The following PDZD8 variants were observed in gnomAD, a reference collection of about 807,000 sequenced individuals.
The protein encoded by PDZD8 is PDZ domain-containing protein 8.
A neutral mutation model predicts 85.8 loss-of-function variants in PDZD8; 14 were observed. The ratio of observed to expected loss-of-function variants is 0.16; its 90% confidence interval spans 0.11 to 0.26. The LOEUF (loss-of-function observed/expected upper bound fraction) is 0.26, where lower values mean the gene tolerates loss of function less well. Among genes scored for constraint, PDZD8 ranks in the 10% least tolerant of loss-of-function variants. PDZD8 has a pLI of 1.00. For synonymous variants in PDZD8, 592 were observed against 568.6 expected (o/e 1.04, Z -0.59); for missense variants, 1,197 against 1,424.3 (o/e 0.84, Z 2.57).
At chr10:117,361,554 C>T (rs1328307877) in intron 1 of PDZD8, among the ~76,000 whole-genome samples, 1 of 152,146 alleles carries the variant, frequency 6.6e-6, no homozygotes, top group Admixed American at 6.6e-5. Context: ...TACCACCTCC[C>T]TACTATGGTA....
chr10:117,341,117 G>C lies in PDZD8; in HGVS notation c.873-15C>G, dbSNP rs762560907. 1.9e-6 allele frequency: 3 copies of C among 1,609,410 alleles called. No individual in the cohort carries two copies. Among genetic ancestry groups the C allele is most frequent in the Non-Finnish European group, 2.6e-6 (3 of 1,176,152 alleles). On this transcript the variant is annotated splice_polypyrimidine_tract_variant and intron_variant, in intron 1 of 4. Transcript: ENST00000334464. ...ACGGCTTAAACCTGACAAAAGTAAA[G>C]ATAAGTCTAAATGTCTGAATAATAA... is the stretch of plus-strand genomic sequence containing the variant.
intron 1 of PDZD8, among the ~76,000 whole-genome samples, chr10:117,372,299 G>A (rs1845207445): frequency 6.6e-6 from 1 of 151,968 alleles, no homozygotes; most frequent in Admixed American, 6.6e-5. Flanking sequence ...CTTTTAAATG[G>A]TTGTTATTCA....
chr10:117,374,676 G>T lies in PDZD8; in HGVS notation c.552C>A (p.Ala184=). 9 of 1,589,822 alleles carry T rather than the reference G, an allele frequency of 5.7e-6. No homozygotes were observed. The highest frequency in any genetic ancestry group is 7.7e-6 in the Non-Finnish European group (9 of 1,168,554). ...CGAAGGCCAGCTCCTCGGGGCAGGC[G>T]GCGGGCAGCGCCTCCCCTTCAGGGC... is the stretch of plus-strand genomic sequence containing the variant. The part of the protein sequence containing the change: ...PDGPEGEALP[A]ACPEELAFEA... Residue 184 remains alanine, a synonymous_variant, in exon 1 of 5, where the codon GCC becomes GCA. Transcript: ENST00000334464. The surrounding 1 kb of genome is among the most constrained non-coding windows in gnomAD (Gnocchi z 7.8).
At chr10:117,311,245 A>G (rs1190632323) in intron 3 of PDZD8, among the ~76,000 whole-genome samples, 3 of 59,952 alleles carry the variant, frequency 5.0e-5, no homozygotes. Flanking sequence ...CTTTTCACAA[A>G]ATTAATATTG....
At chr10:117,315,611 A>C (rs113009490) in intron 3 of PDZD8, among the ~76,000 whole-genome samples, 6 of 150,948 alleles carry the variant, frequency 4.0e-5, no homozygotes, top group Non-Finnish European at 8.8e-5. Flanking sequence ...AAAAAAAAAA[A>C]ACAATAATCT....
chr10:117,364,363 G>A (rs1437492302), intron 1 of PDZD8, among the ~76,000 whole-genome samples: 1 of 152,042 alleles, frequency 6.6e-6, no homozygotes, highest in Non-Finnish European at 1.5e-5. Context: ...CATAAATTAT[G>A]TTTAAGAAAC....
At chr10:117,319,369 A>G (rs17627569) in intron 2 of PDZD8, among the ~76,000 whole-genome samples, 32,927 of 149,144 alleles carry the variant, frequency 0.22, 4,050 homozygotes, top group Middle Eastern at 0.34. Flanking sequence ...TACACACACT[A>G]AAGTGCAATA....
intron 1 of PDZD8, among the ~76,000 whole-genome samples, chr10:117,342,745 C>T (rs980389695): frequency 6.6e-6 from 1 of 152,192 alleles, no homozygotes; most frequent in Admixed American, 6.5e-5. Flanking sequence ...CCCACATGGC[C>T]TCCCAAAGTG....
At chr10:117,352,620 A>AG in intron 1 of PDZD8, among the ~76,000 whole-genome samples, 1 of 152,172 alleles carries the variant, frequency 6.6e-6, no homozygotes, top group Non-Finnish European at 1.5e-5. Context: ...AAAAGGGAGG[A>AG]GGGGAATAAT....
rs1472163066 is a variant in PDZD8, at chr10:117,318,981, A to G, written c.996-7T>C. On this transcript the variant is annotated splice_region_variant and splice_polypyrimidine_tract_variant and intron_variant, in intron 2 of 4. Coordinates refer to ENST00000334464, the MANE Select transcript of PDZD8 (RefSeq NM_173791.5). ...GGATCCAAAAATGAGTAACCTGCAG[A>G]ATAAAACAAAACAAGGGAGAGTATC... The G allele has an allele frequency of 1.3e-6, 2 of 1,568,130 alleles. No homozygotes were observed. Among genetic ancestry groups the G allele is most frequent in the Admixed American group, 1.7e-5 (1 of 59,730 alleles).
chr10:117,336,531 A>G (rs1275955100), intron 2 of PDZD8, among the ~76,000 whole-genome samples: 1 of 152,168 alleles, frequency 6.6e-6, no homozygotes, highest in African/African-American at 2.4e-5. Context: ...GCTAAAAATA[A>G]AAAGAATTGG....
At chr10:117,349,628 C>T (rs1844768692) in intron 1 of PDZD8, among the ~76,000 whole-genome samples, 1 of 152,194 alleles carries the variant, frequency 6.6e-6, no homozygotes, top group African/African-American at 2.4e-5. Context: ...CATAGCCACA[C>T]CCCATTTCTA....
At chr10:117,320,484 T>C (rs1178820559) in intron 2 of PDZD8, among the ~76,000 whole-genome samples, 1 of 152,026 alleles carries the variant, frequency 6.6e-6, no homozygotes, top group African/African-American at 2.4e-5. Context: ...TAACAAAAAT[T>C]AACTCAAAAT....
At chr10:117,296,030 ACT>A (rs768912974) in intron 3 of PDZD8, among the ~76,000 whole-genome samples, 40 of 151,756 alleles carry the variant, frequency 2.6e-4, no homozygotes, top group Non-Finnish European at 3.7e-4. Context: ...GGAGGAAAAA[ACT>A]CTGTCTTTAT....
At chr10:117,343,018 A>AT (rs1844643175) in intron 1 of PDZD8, among the ~76,000 whole-genome samples, 1 of 152,054 alleles carries the variant, frequency 6.6e-6, no homozygotes, top group Non-Finnish European at 1.5e-5. Flanking sequence ...AATTGCGTGC[A>AT]TTTATGCCTT....
intron 4 of PDZD8, 37 bp from the exon 5 acceptor site, chr10:117,285,508 A>G (rs769079532): frequency 2.0e-6 from 3 of 1,498,044 alleles, no homozygotes; most frequent in East Asian, 2.3e-5. Context: ...CATGTAAATT[A>G]TTGCAATAGA....
chr10:117,349,952 T>C (rs1844775310), intron 1 of PDZD8, among the ~76,000 whole-genome samples: 1 of 152,228 alleles, frequency 6.6e-6, no homozygotes, highest in Admixed American at 6.5e-5. Context: ...AGCCAATTAA[T>C]AGTCACTGTC....
At chr10:117,293,816 A>G (rs894928831) in intron 3 of PDZD8, among the ~76,000 whole-genome samples, 1 of 152,182 alleles carries the variant, frequency 6.6e-6, no homozygotes, top group Non-Finnish European at 1.5e-5. Flanking sequence ...GAAGGTCATG[A>G]AACAAATATC....
At chr10:117,295,762 T>C (rs138273995) in intron 3 of PDZD8, among the ~76,000 whole-genome samples, 15 of 152,256 alleles carry the variant, frequency 9.9e-5, no homozygotes, top group African/African-American at 3.6e-4. Context: ...CATATTTCAA[T>C]ACTGCAAAAA....
Sources: allele counts gnomAD v4.1 joint callset (sites outside exome capture counted in the v4.1 genomes callset), GRCh38; gene constraint gnomAD v4.1.1; non-coding constraint Gnocchi (gnomAD v3.1); transcripts MANE v1.5; gene names NCBI Gene and HGNC (gene_info 2026-07-23, HGNC 2026-07-21).